WDR26: variants seen among roughly 807,000 people sequenced by gnomAD.
WDR26 encodes WD repeat domain 26.
WDR26 carries 5 observed loss-of-function variants against 84.1 expected under a neutral mutation model. That is an observed-to-expected ratio of 0.06 (90% confidence interval 0.03 to 0.13). The LOEUF (loss-of-function observed/expected upper bound fraction) is 0.13, where lower values mean the gene tolerates loss of function less well. Ranked by LOEUF, WDR26 falls within the 10% of genes least tolerant of loss-of-function variation. The pLI is 1.00. For missense variants in WDR26, 642 were observed against 974.9 expected (o/e 0.66, Z 4.55); for synonymous variants, 415 against 389.6 (o/e 1.07, Z -0.77).
chr1:224,434,223 G>GGAGGACGAGGACGAC lies in WDR26; in HGVS notation c.168_182dup (p.Ser63_Ser67dup). The GGAGGACGAGGACGAC allele has an allele frequency of 7.2e-7, 1 of 1,393,892 alleles. No homozygotes were observed. Among genetic ancestry groups the GGAGGACGAGGACGAC allele is most frequent in the East Asian group, 2.6e-5 (1 of 38,000 alleles). The allele number at this position is 1,393,892 out of a possible 1,614,324, so 86.3% of individuals were successfully genotyped here. A position where few individuals can be genotyped will look rare whatever the true frequency, so the allele number is the denominator to read the frequency against. Reference sequence around the variant, plus strand: ...CCACCACGGAGGAGGAGGAGGAGGAGGAGGACGAGGACGACGAGGACGGAG... The same window carrying GGAGGACGAGGACGAC: ...CCACCACGGAGGAGGAGGAGGAGGAGGAGGACGAGGACGACGAGGACGAGGACGACGAGGACGGAG... On this transcript the variant is annotated inframe_insertion, in exon 1 of 14. Coordinates refer to ENST00000414423, the MANE Select transcript of WDR26 (RefSeq NM_001379403.1).
chr1:224,425,961 G>A lies in WDR26; in HGVS notation c.928-1307C>T, dbSNP rs377192063. The stretch of plus-strand genomic sequence containing the variant: ...CAACCTCTGCCTCCTGGGTTCACGC[G>A]ATTCTCCTGCCTCAGCCTCCTAAGT... On this transcript the variant is annotated intron_variant, in intron 3 of 13. Coordinates refer to ENST00000414423, the MANE Select transcript of WDR26 (RefSeq NM_001379403.1). 6.6e-5 allele frequency among the ~76,000 whole-genome samples: 10 copies of A among 152,004 alleles called. No individual in the cohort carries two copies. In the East Asian group the frequency reaches 1.4e-3, roughly 21 times the overall value.
At chr1:224,416,039 C>A (rs1246207528) in intron 6 of WDR26, among the ~76,000 whole-genome samples, 1 of 151,868 alleles carries the variant, frequency 6.6e-6, no homozygotes, top group Non-Finnish European at 1.5e-5. Flanking sequence ...AAAGACATTG[C>A]GAATGTGTAG....
chr1:224,425,738 A>T (rs1348138461), intron 3 of WDR26, among the ~76,000 whole-genome samples: 1 of 152,240 alleles, frequency 6.6e-6, no homozygotes, highest in African/African-American at 2.4e-5. Flanking sequence ...TAATGTAAAC[A>T]GAGACATCAG....
At chr1:224,426,580 T>C (rs1458190173) in intron 3 of WDR26, among the ~76,000 whole-genome samples, 1 of 151,390 alleles carries the variant, frequency 6.6e-6, no homozygotes, top group East Asian at 1.9e-4. Context: ...TACATTACTG[T>C]ACATACAGCC....
intron 3 of WDR26, among the ~76,000 whole-genome samples, chr1:224,428,444 T>C (rs1440094666): frequency 6.6e-6 from 1 of 152,218 alleles, no homozygotes; most frequent in East Asian, 1.9e-4. Flanking sequence ...CTTTAAAATA[T>C]ACTAGTTAAT....
intron 6 of WDR26, among the ~76,000 whole-genome samples, chr1:224,418,016 A>T (rs545056268): frequency 6.6e-6 from 1 of 152,332 alleles, no homozygotes; most frequent in Non-Finnish European, 1.5e-5. Context: ...CACAGGAAAC[A>T]AGTAACCAAA....
At chr1:224,422,375 G>A (rs1478546181) in intron 4 of WDR26, among the ~76,000 whole-genome samples, 1 of 152,206 alleles carries the variant, frequency 6.6e-6, no homozygotes, top group Non-Finnish European at 1.5e-5. Context: ...TTCATTTATG[G>A]TTTTGCTTAC....
Position 224,433,896 on chromosome 1 carries a change from ATTG to A in WDR26, c.507_509del (p.Asn170del). 6.5e-7 allele frequency: 1 copy of A among 1,536,648 alleles called. No homozygotes were observed. The highest frequency in any genetic ancestry group is 8.7e-7 in the Non-Finnish European group (1 of 1,146,662). On this transcript the variant is annotated inframe_deletion, in exon 1 of 14. Transcript: ENST00000414423. ...CGTTATTGACATTCAGGCTGTTGCT[ATTG>A]TTGCTGGCGGCGGAGGGGGCGGAAG...
intron 12 of WDR26, among the ~76,000 whole-genome samples, chr1:224,396,651 G>A (rs1673268883): frequency 1.3e-5 from 2 of 152,168 alleles, no homozygotes; most frequent in Non-Finnish European, 2.9e-5. Flanking sequence ...CTGATTTTCG[G>A]TAGAAAGAAA....
chr1:224,387,779 A>G lies in WDR26; in HGVS notation c.*2056T>C, dbSNP rs1327462441. 1 of 152,644 alleles carries G rather than the reference A, an allele frequency of 6.6e-6. No individual in the cohort carries two copies. Among genetic ancestry groups the G allele is most frequent in the Non-Finnish European group, 1.5e-5 (1 of 68,044 alleles). The allele number at this position is 152,644 out of a possible 1,614,324, so 9.5% of individuals were successfully genotyped here. A position where few individuals can be genotyped will look rare whatever the true frequency, so the allele number is the denominator to read the frequency against. On this transcript the variant is annotated 3_prime_UTR_variant, in exon 14 of 14. Transcript: ENST00000414423. ...ATTAACGGCTTCAGGGTATACATGA[A>G]TCACTTAAAATATGAATGGTTTTTA...
intron 6 of WDR26, among the ~76,000 whole-genome samples, chr1:224,416,774 T>C (rs771870000): frequency 6.6e-6 from 1 of 152,202 alleles, no homozygotes; most frequent in Non-Finnish European, 1.5e-5. Flanking sequence ...CAAAAAAAGA[T>C]TTGGGTTCAC....
intron 9 of WDR26, among the ~76,000 whole-genome samples, chr1:224,399,983 A>C (rs573418036): frequency 6.6e-6 from 1 of 152,280 alleles, no homozygotes; most frequent in East Asian, 1.9e-4. Context: ...CTTAAAAAAC[A>C]ACAAAAAAAA....
rs948450347 is a variant in WDR26, at chr1:224,398,369, G to C, written c.1945-143C>G. ...CCAACATTCTGACAAATTTATGGTT[G>C]ATTATACACATTTAAGGATCAATCA... is the stretch of plus-strand genomic sequence containing the variant. On this transcript the variant is annotated intron_variant, in intron 11 of 13. Coordinates refer to ENST00000414423, the MANE Select transcript of WDR26 (RefSeq NM_001379403.1). 1.3e-5 allele frequency: 16 copies of C among 1,276,150 alleles called. No homozygotes were observed. The African/African-American group carries it at 2.0e-4, about 16-fold the overall frequency. 79.1% of individuals were successfully genotyped at this position (1,276,150 alleles called of 1,614,324 possible). A position where few individuals can be genotyped will look rare whatever the true frequency, so the allele number is the denominator to read the frequency against.
intron 13 of WDR26, among the ~76,000 whole-genome samples, chr1:224,391,395 C>T (rs996419618): frequency 7.0e-6 from 1 of 142,818 alleles, no homozygotes; most frequent in Non-Finnish European, 1.5e-5. Flanking sequence ...AAAAAAAAAA[C>T]CTTAATTCTA....
At chr1:224,424,373 A>C (rs572093554) in intron 4 of WDR26, 145 bp downstream of exon 4, 12 of 1,104,336 alleles carry the variant, frequency 1.1e-5, no homozygotes, top group Non-Finnish European at 1.5e-5. Context: ...GAATGACCAA[A>C]ATAGTTGATC....
intron 3 of WDR26, among the ~76,000 whole-genome samples, chr1:224,426,971 C>G (rs553386308): frequency 7.4e-4 from 112 of 151,194 alleles, no homozygotes; most frequent in African/African-American, 2.6e-3. Context: ...GGTGTGGCAG[C>G]GGGTGCCTGT....
chr1:224,432,039 T>A (rs1035466360), intron 1 of WDR26, among the ~76,000 whole-genome samples: 3 of 152,238 alleles, frequency 2.0e-5, no homozygotes, highest in African/African-American at 7.2e-5. Context: ...TGCCTCAATT[T>A]AATGCATAAA....
At chr1:224,433,622 A>ACCCCCC in intron 1 of WDR26, 62 bp downstream of exon 1, 7 of 852,318 alleles carry the variant, frequency 8.2e-6, no homozygotes, top group Non-Finnish European at 8.6e-6. Flanking sequence ...CCCTTCCCCT[A>ACCCCCC]CCCCCCTGGA....
intron 4 of WDR26, among the ~76,000 whole-genome samples, chr1:224,424,200 A>G (rs1183185074): frequency 6.6e-6 from 1 of 152,254 alleles, no homozygotes; most frequent in Non-Finnish European, 1.5e-5. Context: ...ACTGTGATCC[A>G]TATCATATGA....
Sources: gnomAD v4.1 joint callset for allele counts (sites outside exome capture counted in the v4.1 genomes callset) on GRCh38, gnomAD v4.1.1 for gene constraint, MANE v1.5 for transcripts, NCBI Gene and HGNC (gene_info 2026-07-23, HGNC 2026-07-21) for gene names.